ZNF646: variants seen among roughly 807,000 people sequenced by gnomAD.
The protein encoded by ZNF646 is zinc finger protein 646.
Under a neutral mutation model 115.4 loss-of-function variants are expected in ZNF646, and 49 were observed. The observed-to-expected ratio is 0.42, with a 90% CI of 0.34 to 0.54. ZNF646 has a LOEUF of 0.54. Ranked by LOEUF, ZNF646 falls within the 20% of genes least tolerant of loss-of-function variation. The pLI, the probability that ZNF646 is intolerant of heterozygous loss-of-function variation, is 0.04. For missense variants in ZNF646, 2,269 were observed against 2,457.9 expected, an observed-to-expected ratio of 0.92 and a Z score of 1.62; for synonymous variants, 933 against 939.0, an observed-to-expected ratio of 0.99 and a Z score of 0.12.
chr16:31,080,544 A>C lies in ZNF646; in HGVS notation c.4220A>C (p.Glu1407Ala). 1 of 1,614,044 alleles carries C rather than the reference A, an allele frequency of 6.2e-7. No homozygotes were observed. Among genetic ancestry groups the C allele is most frequent in the African/African-American group, 1.3e-5 (1 of 75,066 alleles). ...GGCCTGGATGGCACAGCGGCCAGTG[A>C]GGCGAACCTGACTGGCAGCCAGGGA... ...QGGLDGTAASEANLTGSQGLE... is the reference protein window; with the variant it reads ...QGGLDGTAASAANLTGSQGLE... Residue 1407 changes from glutamate (E) to alanine (A), a missense_variant, in exon 2 of 3, where the codon GAG becomes GCG. Physicochemically the swap from Glu to Ala is moderately radical, Grantham distance 107. Around this residue, in one of 5 missense-constraint regions of ZNF646, gnomAD observed 1,062 missense variants for 1,172.8 expected, o/e 0.91. Coordinates refer to ENST00000300850, the MANE Select transcript of ZNF646 (RefSeq NM_014699.4).
In ZNF646 at chr16:31,079,988, C is replaced by G; in HGVS notation, c.3664C>G (p.Arg1222Gly). The G allele has an allele frequency of 6.2e-7, 1 of 1,607,770 alleles. No individual in the cohort carries two copies. The highest frequency in any genetic ancestry group is 8.5e-7 in the Non-Finnish European group (1 of 1,175,544). ...GCACGCCGGCAGCCTCATCAACCAC[C>G]GGCAGAGCCACCAGACCGGCCACTT... ...YKHAGSLINHRQSHQTGHFGC... is the reference protein window; with the variant it reads ...YKHAGSLINHGQSHQTGHFGC... Residue 1222 changes from arginine (R) to glycine (G), a missense_variant, in exon 2 of 3, where the codon CGG becomes GGG. Arg to Gly is a moderately radical substitution (Grantham distance 125). Coordinates refer to ENST00000300850, the MANE Select transcript of ZNF646 (RefSeq NM_014699.4). The surrounding 1 kb of genome is among the most constrained non-coding windows in gnomAD (Gnocchi z 5.5).
chr16:31,081,233 G>C lies in ZNF646; in HGVS notation c.4909G>C (p.Gly1637Arg). The C allele has an allele frequency of 6.3e-7, 1 of 1,593,416 alleles. No individual in the cohort carries two copies. Residue 1637 changes from glycine to arginine, a missense_variant, in exon 2 of 3, where the codon GGT (glycine) becomes CGT (arginine). Around this residue, in one of 5 missense-constraint regions of ZNF646, gnomAD observed 1,062 missense variants for 1,172.8 expected, o/e 0.91. Transcript: ENST00000300850. ...TGGGGAGGACCAGGTGGTTCTCCCT[G>C]GTCAAGGGAAAGCCCAGGAGGCCCC... Reference protein sequence around the residue: ...GTGEDQVVLPGQGKAQEAPSE... With the variant: ...GTGEDQVVLPRQGKAQEAPSE...
In ZNF646 at chr16:31,076,842, G is replaced by T; in HGVS notation, c.518G>T (p.Gly173Val). The T allele has an allele frequency of 6.2e-7, 1 of 1,614,150 alleles. No homozygotes were observed. ...GATCTGCCCACCAGACAAAGAGAAG[G>T]CTTGGCAAGCCACCCAGGTCCTGAG... The part of the protein sequence containing the change: ...WEDLPTRQRE[G>V]LASHPGPEDG... The change falls in exon 2 of 3, where the codon GGC becomes GTC. Residue 173 changes from glycine to valine, a missense_variant. Physicochemically the swap from Gly to Val is moderately radical, Grantham distance 109. This residue lies in a region of ZNF646 where 334 missense variants were observed against 323.5 expected (regional missense o/e 1.03). Coordinates refer to ENST00000300850, the MANE Select transcript of ZNF646 (RefSeq NM_014699.4).
Position 31,078,329 on chromosome 16 carries a change from C to T in ZNF646, c.2005C>T (p.Arg669Trp), listed in dbSNP as rs754055849. Residue 669 changes from arginine (R) to tryptophan (W), a missense_variant, in exon 2 of 3, where the codon CGG becomes TGG. This residue lies in a region of ZNF646 where 852 missense variants were observed against 900.2 expected (regional missense o/e 0.95). Coordinates refer to ENST00000300850, the MANE Select transcript of ZNF646 (RefSeq NM_014699.4). ...MKNHLRRHSR[R>W]RSRRHRKRAG... ...GAACCACTTGCGCCGGCACAGTCGG[C>T]GGCGGAGCAGGCGGCATCGGAAGCG... 2.9e-5 allele frequency: 46 copies of T among 1,613,462 alleles called. No homozygotes were observed. Among genetic ancestry groups the T allele is most frequent in the Middle Eastern group, 1.6e-4 (1 of 6,082 alleles).
At position 31,077,353 on chromosome 16, in the gene ZNF646, C is replaced by T. The variant is rs780159137; in HGVS notation, c.1029C>T (p.Asp343=). The change falls in exon 2 of 3, where the codon GAC becomes GAT. Residue 343 remains aspartate, a synonymous_variant. Transcript: ENST00000300850. ...TNGHTDESSQ[D]QLPSAQMLNG... is the part of the protein sequence containing the mutation. The stretch of plus-strand genomic sequence containing the variant: ...GGCACACAGATGAGAGCAGCCAGGA[C>T]CAGCTCCCCAGTGCACAGATGCTGA... 2.5e-6 allele frequency: 4 copies of T among 1,612,920 alleles called. No individual in the cohort carries two copies. Among genetic ancestry groups the T allele is most frequent in the Admixed American group, 1.7e-5 (1 of 59,916 alleles).
rs2057124029 is a variant in ZNF646 at position 31,079,379 on chromosome 16, G to A, written c.3055G>A (p.Gly1019Ser). The A allele has an allele frequency of 1.2e-6, 2 of 1,614,122 alleles. No homozygotes were observed. Among genetic ancestry groups the A allele is most frequent in the Non-Finnish European group, 8.5e-7 (1 of 1,180,022 alleles). ...CATAGTGAATTCTGTCTCTGGAGAG[G>A]GTGGAGATGCCAAGTCTCAAGAGGG... is the stretch of plus-strand genomic sequence containing the variant. ...EDIVNSVSGEGGDAKSQEGAG... is the reference protein window; with the variant it reads ...EDIVNSVSGESGDAKSQEGAG... Residue 1019 changes from glycine (G) to serine (S), a missense_variant, in exon 2 of 3, where the codon GGT becomes AGT. Coordinates refer to ENST00000300850, the MANE Select transcript of ZNF646 (RefSeq NM_014699.4). The surrounding 1 kb of genome is among the most constrained non-coding windows in gnomAD (Gnocchi z 5.5).
In ZNF646 at chr16:31,083,833, A is replaced by C; in HGVS notation, c.*741A>C. On this transcript the variant is annotated 3_prime_UTR_variant, in exon 3 of 3. Coordinates refer to ENST00000300850, the MANE Select transcript of ZNF646 (RefSeq NM_014699.4). ...GCCTGTGGGGAAGGAAGGAGGGTGG[A>C]GTTGTCCTCATCCTCACGGCTTTGG... 1.2e-6 allele frequency: 2 copies of C among 1,613,954 alleles called. No homozygotes were observed. Among genetic ancestry groups the C allele is most frequent in the Non-Finnish European group, 1.7e-6 (2 of 1,179,864 alleles).
Position 31,079,261 on chromosome 16 carries a change from T to G in ZNF646, c.2937T>G (p.Ser979Arg), listed in dbSNP as rs2057122181. Residue 979 changes from serine (S) to arginine (R), a missense_variant, in exon 2 of 3, where the codon AGT (serine) becomes AGG (arginine). Transcript: ENST00000300850. This position sits in a 1 kb window ranked among gnomAD's most constrained non-coding sequence, Gnocchi z 5.5. ...DLGSLERHHQSQSSGTTADKA... is the reference protein window; with the variant it reads ...DLGSLERHHQRQSSGTTADKA... ...GGAGCCTGGAGCGTCACCACCAAAGTCAGAGTTCTGGGACTACTGCAGACA... is the reference window on the plus strand; with the variant it reads ...GGAGCCTGGAGCGTCACCACCAAAGGCAGAGTTCTGGGACTACTGCAGACA... 1 of 1,613,812 alleles carries G rather than the reference T, an allele frequency of 6.2e-7. No individual in the cohort carries two copies. The highest frequency in any genetic ancestry group is 8.5e-7 in the Non-Finnish European group (1 of 1,179,998).
rs1286300379 is a variant in ZNF646 at position 31,079,945 on chromosome 16, G to C, written c.3621G>C (p.Val1207=). Residue 1207 remains valine (V), a synonymous_variant, in exon 2 of 3, where the codon GTG becomes GTC. Coordinates refer to ENST00000300850, the MANE Select transcript of ZNF646 (RefSeq NM_014699.4). This position sits in a 1 kb window ranked among gnomAD's most constrained non-coding sequence, Gnocchi z 5.5. ...ASSERPFSCE[V]CGRSYKHAGS... ...CTGAGCGGCCCTTCAGCTGCGAGGT[G>C]TGTGGCCGATCCTACAAGCACGCCG... 6.2e-7 allele frequency: 1 copy of C among 1,611,734 alleles called. No individual in the cohort carries two copies. Among genetic ancestry groups the C allele is most frequent in the Admixed American group, 1.7e-5 (1 of 59,954 alleles).
Position 31,080,587 on chromosome 16 carries a change from T to C in ZNF646, c.4263T>C (p.Gly1421=), listed in dbSNP as rs775360114. ...GCCAGGGACTAGAGACCCAATTGGG[T>C]GGTGCTGAGCCAGTACCCCACTTGG... ...TGSQGLETQL[G]GAEPVPHLED... Residue 1421 remains glycine, a synonymous_variant, in exon 2 of 3, where the codon GGT becomes GGC. Transcript: ENST00000300850. 2.5e-6 allele frequency: 4 copies of C among 1,613,394 alleles called. No individual in the cohort carries two copies. In the African/African-American group the frequency reaches 5.4e-5, roughly 22 times the overall value.
intron 1 of ZNF646, 166 bp from the exon 2 acceptor site, chr16:31,076,080 G>T: frequency 2.1e-6 from 1 of 467,498 alleles, no homozygotes; most frequent in African/African-American, 2.0e-5. Context: ...TGTGCACAGG[G>T]AAGCCTTAAA....
chr16:31,079,281 C>T lies in ZNF646; in HGVS notation c.2957C>T (p.Ala986Val), dbSNP rs1464517468. 1 of 1,613,622 alleles carries T rather than the reference C, an allele frequency of 6.2e-7. No individual in the cohort carries two copies. Reference sequence around the variant, plus strand: ...CAAAGTCAGAGTTCTGGGACTACTGCAGACAAGGCTCCCAGCCCCTTGGGA... The same window carrying T: ...CAAAGTCAGAGTTCTGGGACTACTGTAGACAAGGCTCCCAGCCCCTTGGGA... ...HHQSQSSGTT[A>V]DKAPSPLGVA... is the part of the protein sequence containing the mutation. The change falls in exon 2 of 3, where the codon GCA becomes GTA. Residue 986 changes from alanine (A) to valine (V), a missense_variant. Transcript: ENST00000300850. This position sits in a 1 kb window ranked among gnomAD's most constrained non-coding sequence, Gnocchi z 5.5.
Position 31,078,479 on chromosome 16 carries a change from G to A in ZNF646, c.2155G>A (p.Ala719Thr). 3 of 1,589,196 alleles carry A rather than the reference G, an allele frequency of 1.9e-6. No individual in the cohort carries two copies. Among genetic ancestry groups the A allele is most frequent in the Non-Finnish European group, 2.6e-6 (3 of 1,164,918 alleles). ...CCCTTCAGGGGAAAGTCCTCATGGG[G>A]CTGAAGGCAACCTGGAAAGTGATGG... Reference protein sequence around the residue: ...QDPSGESPHGAEGNLESDGDC... With the variant: ...QDPSGESPHGTEGNLESDGDC... Residue 719 changes from alanine (A) to threonine (T), a missense_variant, in exon 2 of 3, where the codon GCT becomes ACT. Physicochemically the swap from Ala to Thr is moderately conservative, Grantham distance 58. This residue lies in a region of ZNF646 where 852 missense variants were observed against 900.2 expected (regional missense o/e 0.95). Transcript: ENST00000300850.
Position 31,076,310 on chromosome 16 carries a change from C to T in ZNF646, c.-15C>T. On this transcript the variant is annotated 5_prime_UTR_variant, in exon 2 of 3. Coordinates refer to ENST00000300850, the MANE Select transcript of ZNF646 (RefSeq NM_014699.4). The stretch of plus-strand genomic sequence containing the variant: ...CTGCTCCTTCTGAACCTCCAGGTTT[C>T]TGCTACGTTGCCCCATGGAGGACAC... The T allele has an allele frequency of 6.3e-7, 1 of 1,592,690 alleles. No homozygotes were observed. The highest frequency in any genetic ancestry group is 1.3e-5 in the African/African-American group (1 of 74,572).
chr16:31,080,357 C>T lies in ZNF646; in HGVS notation c.4033C>T (p.Gln1345Ter). ...CAACCGCATGGCCCTGAAGGACCAC[C>T]AGAGGCTGCACTCAGAGAATCGGCG... ...YSNRMALKDH[Q>*]RLHSENRRRR... The change falls in exon 2 of 3, where the codon CAG becomes TAG. Residue 1345 changes from glutamine (Q) to a stop codon, truncating the protein, a stop_gained. Transcript: ENST00000300850. LOFTEE classifies it high-confidence loss of function. 1 of 1,613,552 alleles carries T rather than the reference C, an allele frequency of 6.2e-7. No homozygotes were observed. The highest frequency in any genetic ancestry group is 1.3e-5 in the African/African-American group (1 of 75,074).
rs773754217 is a variant in ZNF646 at position 31,081,713 on chromosome 16, G to A, written c.5377+12G>A. ...GGTGGCCGGCTCCGGTAGGGGGCATGAAGGGTCCCAGGAGGAGGTGGGCAC... is the reference window on the plus strand; with the variant it reads ...GGTGGCCGGCTCCGGTAGGGGGCATAAAGGGTCCCAGGAGGAGGTGGGCAC... On this transcript the variant is annotated intron_variant, in intron 2 of 2. Coordinates refer to ENST00000300850, the MANE Select transcript of ZNF646 (RefSeq NM_014699.4). 1.3e-6 allele frequency: 2 copies of A among 1,567,642 alleles called. No homozygotes were observed. The highest frequency in any genetic ancestry group is 3.5e-5 in the Admixed American group (2 of 56,416).
At position 31,077,615 on chromosome 16, in the gene ZNF646, G is replaced by T. The variant is rs774905904; in HGVS notation, c.1291G>T (p.Gly431Trp). 2 of 1,613,638 alleles carry T rather than the reference G, an allele frequency of 1.2e-6. No individual in the cohort carries two copies. The highest frequency in any genetic ancestry group is 8.5e-7 in the Non-Finnish European group (1 of 1,179,856). Reference sequence around the variant, plus strand: ...TCATCACAGGCCCAGGCAAGGAGTTGGGGAAAATGGGCAGCCATCAGTCCC... The same window carrying T: ...TCATCACAGGCCCAGGCAAGGAGTTTGGGAAAATGGGCAGCCATCAGTCCC... ...RAHHRPRQGV[G>W]ENGQPSVPPA... is the part of the protein sequence containing the mutation. Residue 431 changes from glycine (G) to tryptophan (W), a missense_variant, in exon 2 of 3, where the codon GGG (glycine) becomes TGG (tryptophan). Transcript: ENST00000300850.
chr16:31,082,019 T>A (rs2057169219), intron 2 of ZNF646: 1 of 441,048 alleles, frequency 2.3e-6, no homozygotes, highest in African/African-American at 2.0e-5. Flanking sequence ...GGTCACTGGG[T>A]ACCCCCTGGC....
At position 31,076,975 on chromosome 16, in the gene ZNF646, A is replaced by G; in HGVS notation, c.651A>G (p.Ser217=). 1 of 1,614,094 alleles carries G rather than the reference A, an allele frequency of 6.2e-7. No homozygotes were observed. Among genetic ancestry groups the G allele is most frequent in the South Asian group, 1.1e-5 (1 of 91,086 alleles). Residue 217 remains serine, a synonymous_variant, in exon 2 of 3, where the codon TCA becomes TCG. Transcript: ENST00000300850. ...ACTTGGAACAGTATCTGGCTGAATC[A>G]GTAGTGAACTTCACAGGGGGCCAGG... ...LSNLEQYLAE[S]VVNFTGGQEP...
Sources: allele counts gnomAD v4.1 joint callset, GRCh38; gene constraint gnomAD v4.1.1; regional missense constraint gnomAD v4.1.1; non-coding constraint Gnocchi (gnomAD v3.1); transcripts MANE v1.5; gene names NCBI Gene and HGNC (gene_info 2026-07-23, HGNC 2026-07-21).